The following MUSK variants were observed in gnomAD, a reference collection of about 807,000 sequenced individuals.
MUSK encodes muscle, skeletal receptor tyrosine-protein kinase.
Under a neutral mutation model 88.7 loss-of-function variants are expected in MUSK, and 55 were observed. The observed-to-expected ratio is 0.62, with a 90% confidence interval of 0.50 to 0.78. MUSK has a LOEUF of 0.78. Among genes scored for constraint, MUSK ranks in the 30% least tolerant of loss-of-function variants. The pLI is 0.00. For missense variants in MUSK, 1,015 were observed against 1,074.3 expected, an observed-to-expected ratio of 0.94 and a Z score of 0.77; for synonymous variants, 387 against 391.9, an observed-to-expected ratio of 0.99 and a Z score of 0.15.
intron 11 of MUSK, among the ~76,000 whole-genome samples, chr9:110,781,433 T>C (rs531743555): frequency 2.8e-4 from 42 of 152,146 alleles, no homozygotes; most frequent in Middle Eastern, 3.4e-3. Context: ...CCCACCACCA[T>C]GCCCAGCTAA....
At chr9:110,722,045 A>C (rs2131806370) in intron 5 of MUSK, among the ~76,000 whole-genome samples, 1 of 152,300 alleles carries the variant, frequency 6.6e-6, no homozygotes, top group African/African-American at 2.4e-5. Flanking sequence ...CCACATGTAG[A>C]AGAATGAAAC....
chr9:110,687,800 T>G (rs904043360), intron 3 of MUSK, among the ~76,000 whole-genome samples: 1 of 152,056 alleles, frequency 6.6e-6, no homozygotes, highest in African/African-American at 2.4e-5. Flanking sequence ...CAATTCTCTA[T>G]CCTCTCCCAT....
At position 110,686,798 on chromosome 9, in the gene MUSK, G is replaced by A. The variant is rs71501642; in HGVS notation, c.207-319G>A. Among the ~76,000 whole-genome samples, 7,346 of 152,052 alleles carry A rather than the reference G, an allele frequency of 0.048. 217 individuals carry two copies. Among genetic ancestry groups the A allele is most frequent in the East Asian group, 0.089 (463 of 5,174 alleles). On this transcript the variant is annotated intron_variant, in intron 2 of 14. Coordinates refer to ENST00000374448, the MANE Select transcript of MUSK (RefSeq NM_005592.4). ...AGCTGCTACTTCCCAGAACTTATTG[G>A]GAGAAGACACCTATGTCTTGGTTTT...
Position 110,801,067 on chromosome 9 carries a change from A to G in MUSK, c.*79A>G. On this transcript the variant is annotated 3_prime_UTR_variant, in exon 15 of 15. Coordinates refer to ENST00000374448, the MANE Select transcript of MUSK (RefSeq NM_005592.4). ...AGGGGAATCCTACACCAGAGGCCCA[A>G]CAAGACCCACATAGGAAAGAGTAAG... 8.2e-7 allele frequency: 1 copy of G among 1,225,904 alleles called. No homozygotes were observed. The highest frequency in any genetic ancestry group is 1.8e-5 in the South Asian group (1 of 55,694). The allele number at this position is 1,225,904 out of a possible 1,614,324, so 75.9% of individuals were successfully genotyped here.
Position 110,785,520 on chromosome 9 carries a change from C to A in MUSK, c.1587-7C>A. The A allele has an allele frequency of 6.3e-7, 1 of 1,592,786 alleles. No individual in the cohort carries two copies. ...CTCATTCCTGATCTTGCCTGTCTTG[C>A]CTGCAGAGAATCAGCAGCAGTAACC... On this transcript the variant is annotated splice_polypyrimidine_tract_variant and splice_region_variant and intron_variant, in intron 12 of 14. Coordinates refer to ENST00000374448, the MANE Select transcript of MUSK (RefSeq NM_005592.4).
At chr9:110,776,167 C>G (rs769759856) in intron 10 of MUSK, among the ~76,000 whole-genome samples, 36 of 151,814 alleles carry the variant, frequency 2.4e-4, no homozygotes, top group Non-Finnish European at 1.8e-4. Context: ...TTCATTTGCT[C>G]TAAAATAAAT....
chr9:110,715,962 G>A (rs1587945959), intron 5 of MUSK, among the ~76,000 whole-genome samples: 2 of 149,288 alleles, frequency 1.3e-5, no homozygotes, highest in East Asian at 2.0e-4. Flanking sequence ...ACACACTGGG[G>A]CCTGTTGGAG....
At chr9:110,689,677 ATATAACT>A (rs1489946510) in intron 3 of MUSK, among the ~76,000 whole-genome samples, 2 of 74,838 alleles carry the variant, frequency 2.7e-5, no homozygotes, top group Admixed American at 1.8e-4. Context: ...AGTATATTAT[ATATAACT>A]ATATATAGTT....
intron 5 of MUSK, 77 bp from the exon 6 acceptor site, chr9:110,734,174 T>A: frequency 6.7e-7 from 1 of 1,483,972 alleles, no homozygotes; most frequent in South Asian, 1.3e-5. Flanking sequence ...CATGGTCTAA[T>A]TTGCATTTCT....
At chr9:110,729,147 A>G (rs141526786) in intron 5 of MUSK, among the ~76,000 whole-genome samples, 360 of 151,710 alleles carry the variant, frequency 2.4e-3, no homozygotes, top group Non-Finnish European at 4.2e-3. Flanking sequence ...GATGATTTCA[A>G]CAAGATCAGG....
chr9:110,724,976 G>C (rs2076864709), intron 5 of MUSK, among the ~76,000 whole-genome samples: 1 of 151,926 alleles, frequency 6.6e-6, no homozygotes, highest in Non-Finnish European at 1.5e-5. Context: ...CAACTCCAAA[G>C]CTACTTTAAC....
intron 1 of MUSK, among the ~76,000 whole-genome samples, chr9:110,674,863 C>T (rs921949196): frequency 2.0e-5 from 3 of 152,046 alleles, no homozygotes; most frequent in Non-Finnish European, 4.4e-5. Context: ...CCTCCCACCT[C>T]GGCCTCAAAA....
intron 2 of MUSK, 92 bp from the exon 3 acceptor site, chr9:110,687,025 C>A: frequency 7.8e-7 from 1 of 1,277,022 alleles, no homozygotes. Context: ...TATTCTACTT[C>A]CTCATTAACA....
At chr9:110,708,172 C>T (rs2076625369) in intron 5 of MUSK, among the ~76,000 whole-genome samples, 1 of 151,908 alleles carries the variant, frequency 6.6e-6, no homozygotes. Flanking sequence ...ATAGACATAA[C>T]TATAAAAGAT....
At position 110,756,146 on chromosome 9, in the gene MUSK, C is replaced by T. The variant is rs554742279; in HGVS notation, c.914-6056C>T. ...ATTGAAACCCAGCAGGTGCAGCATC[C>T]AGGCTTTTAATGCCTTGATGGGTTA... On this transcript the variant is annotated intron_variant, in intron 7 of 14. Transcript: ENST00000374448. Among the ~76,000 whole-genome samples the T allele has an allele frequency of 6.6e-5, 10 of 151,690 alleles. No individual in the cohort carries two copies. In the South Asian group the frequency reaches 2.1e-3, roughly 32 times the overall value.
At chr9:110,753,103 C>T (rs142526269) in intron 7 of MUSK, among the ~76,000 whole-genome samples, 20 of 152,110 alleles carry the variant, frequency 1.3e-4, no homozygotes, top group African/African-American at 4.3e-4. Context: ...CTAAAACAGC[C>T]GGAGACCATG....
At chr9:110,790,185 G>A (rs2132042301) in intron 14 of MUSK, among the ~76,000 whole-genome samples, 1 of 152,320 alleles carries the variant, frequency 6.6e-6, no homozygotes, top group South Asian at 2.1e-4. Flanking sequence ...CAAGTGAGAG[G>A]AGGACTATAA....
At chr9:110,731,638 C>A (rs2076965053) in intron 5 of MUSK, among the ~76,000 whole-genome samples, 1 of 152,140 alleles carries the variant, frequency 6.6e-6, no homozygotes, top group South Asian at 2.1e-4. Context: ...CCTATCTGCC[C>A]CCTTCAGGGA....
At chr9:110,755,967 T>TATATATATAC (rs1450657886) in intron 7 of MUSK, among the ~76,000 whole-genome samples, 714 of 58,676 alleles carry the variant, frequency 0.012, 16 homozygotes, top group East Asian at 0.02. Context: ...TATATATACA[T>TATATATATAC]ATATATATAT....
Sources: allele counts gnomAD v4.1 joint callset (sites outside exome capture counted in the v4.1 genomes callset), GRCh38; gene constraint gnomAD v4.1.1; transcripts MANE v1.5; gene names NCBI Gene and HGNC (gene_info 2026-07-23, HGNC 2026-07-21).